KCNK2: variants seen among roughly 807,000 people sequenced by gnomAD.
KCNK2 encodes potassium channel subfamily K member 2.
KCNK2 carries 21 observed loss-of-function variants against 40.5 expected under a neutral mutation model. The ratio of observed to expected loss-of-function variants is 0.52; its 90% CI spans 0.37 to 0.75. KCNK2 has a LOEUF of 0.75. Among genes scored for constraint, KCNK2 ranks in the 30% least tolerant of loss-of-function variants. The pLI is 0.00. For missense variants in KCNK2, 399 were observed against 531.6 expected (o/e 0.75, Z 2.45); for synonymous variants, 191 against 202.2 (o/e 0.94, Z 0.47).
rs1229121326 is a variant in KCNK2 at position 215,127,082 on chromosome 1, C to A, written c.475+2332C>A. ...GAACTTTGAAGTGATTTTTAGCAAT[C>A]ATAGAAATTATGACCTTTAGCAATA... On this transcript the variant is annotated intron_variant, in intron 3 of 6. Transcript: ENST00000444842. 2.6e-5 allele frequency among the ~76,000 whole-genome samples: 4 copies of A among 152,206 alleles called. No individual in the cohort carries two copies. The East Asian group carries it at 7.7e-4, about 29-fold the overall frequency.
At chr1:215,068,379 T>C (rs969411634) in intron 1 of KCNK2, among the ~76,000 whole-genome samples, 1 of 152,134 alleles carries the variant, frequency 6.6e-6, no homozygotes, top group African/African-American at 2.4e-5. Context: ...AGAGGACATC[T>C]ATTACTTCAG....
chr1:215,029,630 T>C (rs1657117413), intron 1 of KCNK2, among the ~76,000 whole-genome samples: 1 of 147,604 alleles, frequency 6.8e-6, no homozygotes, highest in Non-Finnish European at 1.5e-5. Context: ...AATATATGAA[T>C]ATAAATATTG....
At chr1:215,136,347 G>A (rs1661914149) in intron 3 of KCNK2, among the ~76,000 whole-genome samples, 2 of 150,490 alleles carry the variant, frequency 1.3e-5, no homozygotes, top group Admixed American at 6.6e-5. Context: ...TCCACCCACC[G>A]TCGGCCTCTC....
At chr1:215,229,908 ATAAT>A (rs1345230244) in intron 6 of KCNK2, among the ~76,000 whole-genome samples, 1 of 151,790 alleles carries the variant, frequency 6.6e-6, no homozygotes, top group African/African-American at 2.4e-5. Flanking sequence ...GAAGTAATAA[ATAAT>A]TAAAGCACCC....
chr1:215,117,662 A>T (rs1371886286), intron 2 of KCNK2, among the ~76,000 whole-genome samples: 1 of 152,140 alleles, frequency 6.6e-6, no homozygotes, highest in African/African-American at 2.4e-5. Flanking sequence ...ATTAACTGAG[A>T]ACTGCTCATG....
intron 2 of KCNK2, among the ~76,000 whole-genome samples, chr1:215,093,742 A>ATAATATATAATAT (rs59324247): frequency 1.8e-5 from 1 of 55,316 alleles, no homozygotes; most frequent in African/African-American, 1.2e-4. Context: ...TATATAATAT[A>ATAATATATAATAT]AAAATATATT....
At chr1:215,184,314 A>T (rs1664340962) in intron 5 of KCNK2, among the ~76,000 whole-genome samples, 1 of 152,202 alleles carries the variant, frequency 6.6e-6, no homozygotes, top group Non-Finnish European at 1.5e-5. Flanking sequence ...GATAACAAAA[A>T]TATACTTGTG....
chr1:215,080,401 C>T (rs144892889), upstream of KCNK2, among the ~76,000 whole-genome samples: 356 of 152,162 alleles, frequency 2.3e-3, 3 homozygotes, highest in African/African-American at 8.2e-3. Flanking sequence ...ATCTGGAGAA[C>T]AAAGAGCCTA....
chr1:215,202,270 G>C (rs1312998978), intron 6 of KCNK2, among the ~76,000 whole-genome samples: 1 of 152,184 alleles, frequency 6.6e-6, no homozygotes, highest in Admixed American at 6.5e-5. Flanking sequence ...CCTTCACTAT[G>C]TGATGGGGAA....
In KCNK2 at chr1:215,169,212, C is replaced by T. The variant is rs764546809; in HGVS notation, c.489C>T (p.Ile163=). The T allele has an allele frequency of 1.1e-5, 18 of 1,602,318 alleles. No individual in the cohort carries two copies. Among genetic ancestry groups the T allele is most frequent in the Non-Finnish European group, 1.5e-5 (18 of 1,175,258 alleles). The change falls in exon 4 of 7, where the codon ATC becomes ATT. Residue 163 remains isoleucine, a synonymous_variant. Coordinates refer to ENST00000444842, the MANE Select transcript of KCNK2 (RefSeq NM_001017425.3). ...ATTTTTTTAAAGGATTTGGAAACAT[C>T]TCACCACGCACAGAAGGCGGCAAAA... ...TVITTIGFGN[I]SPRTEGGKIF...
chr1:215,015,207 A>C (rs1656544089), intron 1 of KCNK2, among the ~76,000 whole-genome samples: 1 of 151,984 alleles, frequency 6.6e-6, no homozygotes, highest in African/African-American at 2.4e-5. Flanking sequence ...TCAGATGTGA[A>C]TTCTCTGTTT....
At chr1:215,056,310 A>T (rs1466132771) in intron 1 of KCNK2, among the ~76,000 whole-genome samples, 4 of 144,534 alleles carry the variant, frequency 2.8e-5, no homozygotes, top group African/African-American at 8.3e-5. Flanking sequence ...CTCCATCTCA[A>T]AAAAAAAAAA....
At chr1:215,048,059 A>C (rs560138042) in intron 1 of KCNK2, among the ~76,000 whole-genome samples, 2 of 152,300 alleles carry the variant, frequency 1.3e-5, no homozygotes, top group South Asian at 4.1e-4. Flanking sequence ...TTTCCAATTA[A>C]GTTTATTGAC....
At chr1:215,109,734 G>A (rs964660006) in intron 2 of KCNK2, among the ~76,000 whole-genome samples, 12 of 152,064 alleles carry the variant, frequency 7.9e-5, no homozygotes, top group Middle Eastern at 3.2e-3. Flanking sequence ...TTTCTTTTGA[G>A]TAAATACCTA....
intron 3 of KCNK2, among the ~76,000 whole-genome samples, chr1:215,155,043 G>C (rs531583905): frequency 2.0e-5 from 3 of 151,746 alleles, no homozygotes; most frequent in African/African-American, 4.8e-5. Flanking sequence ...TTATTCTCTT[G>C]TCCTTTTTTC....
intron 3 of KCNK2, among the ~76,000 whole-genome samples, chr1:215,131,178 G>GT (rs890959493): frequency 5.3e-5 from 8 of 150,738 alleles, no homozygotes; most frequent in Admixed American, 2.6e-4. Context: ...TTATTTTTAA[G>GT]TTTTTTTTTA....
At chr1:215,057,186 C>T (rs1658198202) in intron 1 of KCNK2, among the ~76,000 whole-genome samples, 1 of 149,518 alleles carries the variant, frequency 6.7e-6, no homozygotes, top group South Asian at 2.3e-4. Context: ...AATAGCAAAC[C>T]AGAGGTACAA....
chr1:215,077,639 C>T (rs1024879838), intron 1 of KCNK2, among the ~76,000 whole-genome samples: 3 of 151,944 alleles, frequency 2.0e-5, no homozygotes, highest in Non-Finnish European at 2.9e-5. Context: ...CTGGTTTCTA[C>T]CTGCCTCTTC....
At chr1:215,140,121 A>G (rs779537558) in intron 3 of KCNK2, among the ~76,000 whole-genome samples, 40 of 152,224 alleles carry the variant, frequency 2.6e-4, no homozygotes, top group Non-Finnish European at 5.3e-4. Flanking sequence ...AAATGAAAAC[A>G]TAAAAATAAA....
Sources: gnomAD v4.1 joint callset for allele counts (sites outside exome capture counted in the v4.1 genomes callset) on GRCh38, gnomAD v4.1.1 for gene constraint, MANE v1.5 for transcripts, NCBI Gene and HGNC (gene_info 2026-07-23, HGNC 2026-07-21) for gene names.